Variants in UBN2 observed in about 807,000 individuals in gnomAD.
UBN2 encodes ubinuclein-2.
UBN2 carries 35 observed loss-of-function variants against 120.2 expected under a neutral mutation model. That is an observed-to-expected ratio of 0.29 (90% confidence interval 0.22 to 0.39). UBN2 has a LOEUF of 0.39. Ranked by LOEUF, UBN2 falls within the 10% of genes least tolerant of loss-of-function variation. UBN2 has a pLI of 1.00. For missense variants in UBN2, 1,693 were observed against 1,663.2 expected, an observed-to-expected ratio of 1.02 and a Z score of -0.31; for synonymous variants, 661 against 648.7, an observed-to-expected ratio of 1.02 and a Z score of -0.29.
At chr7:139,317,190 T>C in the UBN2 span, among the ~76,000 whole-genome samples, 1 of 152,022 alleles carries the variant, frequency 6.6e-6, no homozygotes, top group African/African-American at 2.4e-5. Flanking sequence ...TAATCTGTAT[T>C]ATTATTATTT....
chr7:139,313,257 T>G, the UBN2 span, among the ~76,000 whole-genome samples: 1 of 152,192 alleles, frequency 6.6e-6, no homozygotes, highest in Non-Finnish European at 1.5e-5. Context: ...AATAGAATCT[T>G]TAAGTTACAG....
intron 15 of UBN2, among the ~76,000 whole-genome samples, chr7:139,288,739 C>T (rs950897603): frequency 2.6e-5 from 4 of 152,060 alleles, no homozygotes; most frequent in Non-Finnish European, 5.9e-5. Flanking sequence ...CGTGGTGGCT[C>T]ATGCCTGTAA....
At chr7:139,270,511 C>T (rs972862283) in intron 8 of UBN2, among the ~76,000 whole-genome samples, 3 of 151,922 alleles carry the variant, frequency 2.0e-5, no homozygotes, top group South Asian at 2.1e-4. Flanking sequence ...TCAGGTGATC[C>T]GCCCAGCTTG....
At chr7:139,288,017 T>G (rs971429418) in intron 15 of UBN2, among the ~76,000 whole-genome samples, 1 of 152,222 alleles carries the variant, frequency 6.6e-6, no homozygotes, top group East Asian at 1.9e-4. Context: ...TTAATAACTT[T>G]CCACACAGGG....
At chr7:139,268,249 A>C (rs938786000) in intron 7 of UBN2, among the ~76,000 whole-genome samples, 2 of 152,108 alleles carry the variant, frequency 1.3e-5, no homozygotes, top group African/African-American at 4.8e-5. Flanking sequence ...TATTTCACAG[A>C]GGGTATGCCT....
In UBN2 at chr7:139,254,166, G is replaced by A. The variant is rs1038397721; in HGVS notation, c.663+2109G>A. Reference sequence around the variant, plus strand: ...AAATTAGCCGGGCGTGGTGGCGGGCGCCTGTAGTCCCAGCTACTCGGGAGG... The same window carrying A: ...AAATTAGCCGGGCGTGGTGGCGGGCACCTGTAGTCCCAGCTACTCGGGAGG... On this transcript the variant is annotated intron_variant, in intron 3 of 17. Coordinates refer to ENST00000473989, the MANE Select transcript of UBN2 (RefSeq NM_173569.4). Among the ~76,000 whole-genome samples the A allele has an allele frequency of 2.0e-5, 3 of 152,014 alleles. No homozygotes were observed. In the East Asian group the frequency reaches 5.8e-4, roughly 29 times the overall value.
chr7:139,258,027 G>A (rs923465978), intron 3 of UBN2, among the ~76,000 whole-genome samples: 12 of 152,160 alleles, frequency 7.9e-5, no homozygotes, highest in Admixed American at 6.5e-4. Context: ...ACCCGCCTCA[G>A]CCTCCCAACT....
chr7:139,237,659 C>A (rs1796201796), intron 2 of UBN2, among the ~76,000 whole-genome samples: 1 of 152,128 alleles, frequency 6.6e-6, no homozygotes, highest in Admixed American at 6.6e-5. Context: ...CCATATTTTA[C>A]AGATGAGGAA....
intron 2 of UBN2, among the ~76,000 whole-genome samples, chr7:139,247,689 G>T (rs993159356): frequency 6.6e-6 from 1 of 152,158 alleles, no homozygotes; most frequent in Admixed American, 6.5e-5. Context: ...TATATTTTAT[G>T]CCCCAGTAAC....
chr7:139,329,358 C>G, the UBN2 span, among the ~76,000 whole-genome samples: 321 of 151,504 alleles, frequency 2.1e-3, 12 homozygotes, highest in South Asian at 0.063. Flanking sequence ...TCTGCTGAGA[C>G]AGCAGTTCTT....
intron 15 of UBN2, 47 bp downstream of exon 15, chr7:139,284,621 A>G: frequency 6.7e-7 from 1 of 1,500,868 alleles, no homozygotes; most frequent in Non-Finnish European, 8.9e-7. Context: ...AGATTGTATA[A>G]TGTCGTCTTT....
At chr7:139,315,991 C>T in the UBN2 span, among the ~76,000 whole-genome samples, 2 of 144,956 alleles carry the variant, frequency 1.4e-5, no homozygotes, top group South Asian at 2.2e-4. Context: ...GCAGGAGAAT[C>T]GCTTGAACCT....
intron 12 of UBN2, among the ~76,000 whole-genome samples, 172 bp from the exon 13 acceptor site, chr7:139,279,146 G>T (rs1432154782): frequency 2.6e-5 from 4 of 151,940 alleles, no homozygotes; most frequent in Admixed American, 6.6e-5. Flanking sequence ...ATCTGAATTG[G>T]GGAAAATGTT....
intron 11 of UBN2, 144 bp downstream of exon 11, chr7:139,274,218 C>T (rs1797375668): frequency 1.3e-6 from 1 of 797,094 alleles, no homozygotes; most frequent in Non-Finnish European, 1.8e-6. Flanking sequence ...TCAGATGATC[C>T]TTGCTTTGAA....
At chr7:139,235,616 A>G (rs1368881467) in intron 1 of UBN2, among the ~76,000 whole-genome samples, 1 of 152,130 alleles carries the variant, frequency 6.6e-6, no homozygotes, top group Non-Finnish European at 1.5e-5. Context: ...CATGTTGGCT[A>G]GCCTGGTCTT....
Position 139,284,370 on chromosome 7 carries a change from T to C in UBN2, c.3465T>C (p.Thr1155=), listed in dbSNP as rs1351584146. 3 of 1,614,070 alleles carry C rather than the reference T, an allele frequency of 1.9e-6. No homozygotes were observed. The African/African-American group carries it at 4.0e-5, about 22-fold the overall frequency. ...CAAAGCTAACAAACTCATCATCCAC[T>C]GGAACTGTTGGGAAGAACAGCTTGA... The part of the protein sequence containing the change: ...APSKLTNSSS[T]GTVGKNSLSG... The change falls in exon 15 of 18, where the codon ACT becomes ACC. Residue 1155 remains threonine, a synonymous_variant. Transcript: ENST00000473989.
intron 3 of UBN2, among the ~76,000 whole-genome samples, chr7:139,256,466 A>G (rs548139797): frequency 6.6e-6 from 1 of 152,346 alleles, no homozygotes; most frequent in South Asian, 2.1e-4. Context: ...AAACATATGT[A>G]TAGAATTGCT....
chr7:139,235,661 C>A (rs1167527027), intron 1 of UBN2, among the ~76,000 whole-genome samples: 1 of 152,200 alleles, frequency 6.6e-6, no homozygotes, highest in Non-Finnish European at 1.5e-5. Flanking sequence ...CCCACCTTGG[C>A]CTCCCAAAGT....
chr7:139,261,758 TCTTG>T lies in UBN2; in HGVS notation c.1395+21_1395+24del, dbSNP rs745507249. On this transcript the variant is annotated intron_variant, in intron 6 of 17. Coordinates refer to ENST00000473989, the MANE Select transcript of UBN2 (RefSeq NM_173569.4). ...CTTCGTGTAGTAAGTGTAATAATTC[TCTTG>T]CTTTTTATTTGCTGCACAAACATAA... 7.5e-6 allele frequency: 12 copies of T among 1,590,434 alleles called. No individual in the cohort carries two copies. Among genetic ancestry groups the T allele is most frequent in the Non-Finnish European group, 8.6e-7 (1 of 1,164,808 alleles).
Sources: allele counts gnomAD v4.1 joint callset (sites outside exome capture counted in the v4.1 genomes callset), GRCh38; gene constraint gnomAD v4.1.1; transcripts MANE v1.5; gene names NCBI Gene and HGNC (gene_info 2026-07-23, HGNC 2026-07-21).